Variants in TYR observed in about 807,000 individuals in gnomAD.
The protein encoded by TYR is LB24-AB.
TYR carries 58 observed loss-of-function variants against 51.5 expected under a neutral mutation model. The observed-to-expected ratio is 1.13, with a 90% confidence interval of 0.91 to 1.40. The LOEUF (loss-of-function observed/expected upper bound fraction) is 1.40. Among genes scored for constraint, TYR ranks in the 40% most tolerant of loss-of-function variants. TYR has a pLI of 0.00. For missense variants in TYR, 732 were observed against 647.4 expected (o/e 1.13, Z -1.42); for synonymous variants, 263 against 235.2 (o/e 1.12, Z -1.08).
intron 3 of TYR, among the ~76,000 whole-genome samples, chr11:89,241,893 G>A (rs1944201118): frequency 1.3e-5 from 2 of 149,876 alleles, no homozygotes; most frequent in South Asian, 2.1e-4. Flanking sequence ...ACGTATTGCA[G>A]TCCATTTTTA....
At chr11:89,261,276 C>T (rs2135307238) in intron 3 of TYR, among the ~76,000 whole-genome samples, 1 of 152,140 alleles carries the variant, frequency 6.6e-6, no homozygotes, top group South Asian at 2.1e-4. Context: ...AATAAAAGGA[C>T]ACAAATTGGC....
chr11:89,256,815 T>C (rs185734554), intron 3 of TYR, among the ~76,000 whole-genome samples: 1 of 151,926 alleles, frequency 6.6e-6, no homozygotes, highest in African/African-American at 2.4e-5. Context: ...TCACCTGACA[T>C]TGAAGGAGGA....
At chr11:89,212,632 C>A (rs148752137) in intron 2 of TYR, among the ~76,000 whole-genome samples, 4 of 151,762 alleles carry the variant, frequency 2.6e-5, no homozygotes, top group Admixed American at 2.6e-4. Flanking sequence ...GAGATACAAC[C>A]GAAAAAGGAG....
At chr11:89,229,745 A>C (rs1378778915) in intron 3 of TYR, among the ~76,000 whole-genome samples, 1 of 152,036 alleles carries the variant, frequency 6.6e-6, no homozygotes, top group Non-Finnish European at 1.5e-5. Flanking sequence ...GTTTCTGTAC[A>C]CTAACAATGA....
intron 2 of TYR, among the ~76,000 whole-genome samples, chr11:89,208,812 C>A (rs568289680): frequency 7.4e-4 from 112 of 152,310 alleles, no homozygotes; most frequent in African/African-American, 2.5e-3. Flanking sequence ...TATCCACCAG[C>A]ATTAGCAATT....
intron 4 of TYR, among the ~76,000 whole-genome samples, chr11:89,288,882 TA>T (rs1428640864): frequency 2.6e-5 from 4 of 151,946 alleles, no homozygotes; most frequent in Admixed American, 2.0e-4. Context: ...TTAAGCTTAC[TA>T]AAAAATTATT....
intron 3 of TYR, among the ~76,000 whole-genome samples, chr11:89,269,555 T>C (rs1291241885): frequency 6.6e-6 from 1 of 151,980 alleles, no homozygotes; most frequent in Non-Finnish European, 1.5e-5. Context: ...ATACTAAGTT[T>C]CTCCAAGTTT....
In TYR at chr11:89,178,828, C is replaced by A. The variant is rs2135242840; in HGVS notation, c.819+56C>A. Reference sequence around the variant, plus strand: ...TAGGGAGGAACCTTAACAATCACTTCTTCAGGCAGGGTATAAACTTCTCAC... The same window carrying A: ...TAGGGAGGAACCTTAACAATCACTTATTCAGGCAGGGTATAAACTTCTCAC... On this transcript the variant is annotated intron_variant, in intron 1 of 4. Transcript: ENST00000263321. 2.5e-6 allele frequency: 4 copies of A among 1,575,268 alleles called. No homozygotes were observed. The South Asian group carries it at 4.4e-5, about 17-fold the overall frequency.
At chr11:89,283,413 T>C (rs1166524903) in intron 3 of TYR, among the ~76,000 whole-genome samples, 4 of 151,848 alleles carry the variant, frequency 2.6e-5, no homozygotes, top group African/African-American at 9.7e-5. Flanking sequence ...GTTTGAAGCA[T>C]TATCACTTCT....
chr11:89,280,940 A>G (rs1474771575), intron 3 of TYR, among the ~76,000 whole-genome samples: 1 of 151,780 alleles, frequency 6.6e-6, no homozygotes, highest in Non-Finnish European at 1.5e-5. Context: ...GTTTCCCTAC[A>G]TACTCTTCCT....
At chr11:89,193,042 A>G (rs559285525) in intron 2 of TYR, among the ~76,000 whole-genome samples, 1 of 152,264 alleles carries the variant, frequency 6.6e-6, no homozygotes, top group Non-Finnish European at 1.5e-5. Flanking sequence ...AGAAGGCAAG[A>G]CATAATGCCA....
intron 3 of TYR, among the ~76,000 whole-genome samples, chr11:89,242,267 G>T (rs1944207274): frequency 1.3e-5 from 2 of 152,054 alleles, no homozygotes; most frequent in South Asian, 4.1e-4. Context: ...GAGTGCAGTG[G>T]TGCAATCTCA....
At chr11:89,271,005 A>G (rs900349901) in intron 3 of TYR, among the ~76,000 whole-genome samples, 28 of 152,024 alleles carry the variant, frequency 1.8e-4, no homozygotes, top group African/African-American at 6.0e-4. Context: ...GAATATGTCA[A>G]CTCTTAAAAG....
intron 2 of TYR, among the ~76,000 whole-genome samples, chr11:89,225,834 G>T (rs1943969104): frequency 1.3e-5 from 2 of 151,814 alleles, no homozygotes; most frequent in Non-Finnish European, 2.9e-5. Context: ...TTTTTAAATA[G>T]CTAGAATAGA....
Position 89,276,333 on chromosome 11 carries a change from G to A in TYR, c.1185-8440G>A, listed in dbSNP as rs1418184338. Among the ~76,000 whole-genome samples, 5 of 151,806 alleles carry A rather than the reference G, an allele frequency of 3.3e-5. No homozygotes were observed. The South Asian group carries it at 6.2e-4, about 19-fold the overall frequency. On this transcript the variant is annotated intron_variant, in intron 3 of 4. Transcript: ENST00000263321. Reference sequence around the variant, plus strand: ...TGACAAATTCTCCTCCATCTGCATCGCTTAAAACTTAGTCAGAAAGTAACA... The same window carrying A: ...TGACAAATTCTCCTCCATCTGCATCACTTAAAACTTAGTCAGAAAGTAACA...
chr11:89,287,186 A>G (rs1475866220), intron 4 of TYR, among the ~76,000 whole-genome samples: 1 of 151,834 alleles, frequency 6.6e-6, no homozygotes, highest in Non-Finnish European at 1.5e-5. Context: ...AAGCTTCTCC[A>G]TTCTAAGCAT....
intron 2 of TYR, among the ~76,000 whole-genome samples, chr11:89,217,340 A>G (rs1232228968): frequency 9.2e-5 from 14 of 152,182 alleles, no homozygotes. Flanking sequence ...TTGCTCATCC[A>G]AAATCCAATT....
chr11:89,284,332 T>A (rs1384709734), intron 3 of TYR, among the ~76,000 whole-genome samples: 2 of 151,844 alleles, frequency 1.3e-5, no homozygotes, highest in Non-Finnish European at 2.9e-5. Flanking sequence ...CATGAATGTT[T>A]AAATCATTGA....
chr11:89,217,247 G>T (rs1943843103), intron 2 of TYR, among the ~76,000 whole-genome samples: 1 of 152,138 alleles, frequency 6.6e-6, no homozygotes, highest in Non-Finnish European at 1.5e-5. Flanking sequence ...AGGAAGTAGA[G>T]AATATTGGAG....
Sources: gnomAD v4.1 joint callset for allele counts (sites outside exome capture counted in the v4.1 genomes callset) on GRCh38, gnomAD v4.1.1 for gene constraint, MANE v1.5 for transcripts, NCBI Gene and HGNC (gene_info 2026-07-23, HGNC 2026-07-21) for gene names.